The following IL3RA variants were observed in gnomAD, a reference collection of about 807,000 sequenced individuals.
IL3RA encodes interleukin-3 receptor subunit alpha.
A neutral mutation model predicts 52.3 loss-of-function variants in IL3RA; 73 were observed. The observed-to-expected ratio is 1.40, with a 90% CI of 1.16 to 1.70. The LOEUF is 1.70. Among genes scored for constraint, IL3RA ranks in the 40% most tolerant of loss-of-function variants. The pLI is 0.00. For missense variants in IL3RA, 664 were observed against 504.4 expected (o/e 1.32, Z -3.03); for synonymous variants, 260 against 194.0 (o/e 1.34, Z -2.83).
At chrX:1,359,098 A>G (rs2086966036) in intron 8 of IL3RA, among the ~76,000 whole-genome samples, 1 of 152,038 alleles carries the variant, frequency 6.6e-6, no homozygotes, top group East Asian at 1.9e-4. Flanking sequence ...CAAAATTGGG[A>G]TATTTCACAT....
intron 1 of IL3RA, among the ~76,000 whole-genome samples, chrX:1,339,744 A>G (rs188118519): frequency 1.4e-4 from 21 of 152,178 alleles, no homozygotes; most frequent in Admixed American, 7.9e-4. Context: ...GTGAACCAAG[A>G]TCGCGCCACT....
In IL3RA at chrX:1,363,096, G is replaced by T. The variant is rs188329173; in HGVS notation, c.760-2042G>T. Among the ~76,000 whole-genome samples the T allele has an allele frequency of 2.7e-4, 41 of 151,130 alleles. 1 individual carries two copies. The highest frequency in any genetic ancestry group is 2.6e-4 in the Admixed American group (4 of 15,146). On this transcript the variant is annotated intron_variant, in intron 8 of 11. Coordinates refer to ENST00000331035, the MANE Select transcript of IL3RA (RefSeq NM_002183.4). ...CGGCCACGTCTCCTCTTCTTATAAG[G>T]ATATTGGTCATTGCATTTAGGGCCC...
intron 7 of IL3RA, among the ~76,000 whole-genome samples, chrX:1,357,538 ATTTT>A: frequency 6.7e-6 from 1 of 149,514 alleles, no homozygotes. Flanking sequence ...TTTTTTTTGT[ATTTT>A]TAGTAGAGAT....
intron 1 of IL3RA, among the ~76,000 whole-genome samples, chrX:1,338,270 G>A (rs2085377617): frequency 6.7e-6 from 1 of 149,740 alleles, no homozygotes; most frequent in East Asian, 2.0e-4. Flanking sequence ...AAAATATAAT[G>A]TCCATCCACA....
chrX:1,341,714 C>A lies in IL3RA; in HGVS notation c.-38-14C>A. On this transcript the variant is annotated splice_polypyrimidine_tract_variant and intron_variant, in intron 1 of 11. Coordinates refer to ENST00000331035, the MANE Select transcript of IL3RA (RefSeq NM_002183.4). ...CAGCCAGTCCCCGCTGCCTGACTCTCGTTTCTCCTGCAGCAGGCACCTCTG... is the reference window on the plus strand; with the variant it reads ...CAGCCAGTCCCCGCTGCCTGACTCTAGTTTCTCCTGCAGCAGGCACCTCTG... 1 of 1,607,280 alleles carries A rather than the reference C, an allele frequency of 6.2e-7. No homozygotes were observed. The highest frequency in any genetic ancestry group is 8.5e-7 in the Non-Finnish European group (1 of 1,174,758).
intron 9 of IL3RA, among the ~76,000 whole-genome samples, chrX:1,368,374 C>A (rs1380834782): frequency 1.3e-5 from 2 of 152,032 alleles, no homozygotes; most frequent in Non-Finnish European, 2.9e-5. Flanking sequence ...CACCTGAGGT[C>A]AGGAGTTCGA....
intron 4 of IL3RA, among the ~76,000 whole-genome samples, chrX:1,351,072 T>C (rs772739512): frequency 1.9e-4 from 29 of 151,618 alleles, no homozygotes; most frequent in African/African-American, 7.0e-4. Context: ...CTGGGTGTGG[T>C]AGTGGGTGCC....
At chrX:1,345,476 T>G (rs771609353) in intron 3 of IL3RA, 42 bp downstream of exon 3, 9 of 1,192,658 alleles carry the variant, frequency 7.5e-6, no homozygotes, top group Non-Finnish European at 9.2e-6. Context: ...TTATTTTATT[T>G]ATTTATGTAT....
intron 9 of IL3RA, among the ~76,000 whole-genome samples, chrX:1,378,059 G>A (rs1448877373): frequency 1.3e-5 from 2 of 150,400 alleles, no homozygotes; most frequent in Non-Finnish European, 3.0e-5. Context: ...GGTGGCGGGC[G>A]CCTGTAGTCC....
rs142129087 is a variant in IL3RA, at chrX:1,346,767, G to C, written c.183+1333G>C. ...CTCATGGGGTGGCCCAGGTGACACT[G>C]TGAGCTATTTACAAGTCAGTGTCTT... On this transcript the variant is annotated intron_variant, in intron 3 of 11. Coordinates refer to ENST00000331035, the MANE Select transcript of IL3RA (RefSeq NM_002183.4). Among the ~76,000 whole-genome samples the C allele has an allele frequency of 9.6e-3, 1,449 of 151,514 alleles. 18 individuals carry two copies. The highest frequency in any genetic ancestry group is 0.014 in the Non-Finnish European group (944 of 68,012).
intron 3 of IL3RA, among the ~76,000 whole-genome samples, chrX:1,346,087 G>A (rs2085730189): frequency 6.6e-6 from 1 of 151,866 alleles, no homozygotes; most frequent in Admixed American, 6.6e-5. Context: ...GGCTGAGGCG[G>A]GCGGATCATG....
chrX:1,351,795 A>AT (rs2086097336), intron 4 of IL3RA, among the ~76,000 whole-genome samples: 2 of 146,426 alleles, frequency 1.4e-5, no homozygotes, highest in Admixed American at 6.9e-5. Context: ...CACCTGGCTA[A>AT]TTTTTTATAT....
At chrX:1,347,541 C>G (rs1247694555) in intron 3 of IL3RA, among the ~76,000 whole-genome samples, 1 of 150,836 alleles carries the variant, frequency 6.6e-6, no homozygotes, top group Non-Finnish European at 1.5e-5. Context: ...ATTGCTTGAA[C>G]CCGAGAGGTG....
intron 6 of IL3RA, among the ~76,000 whole-genome samples, chrX:1,353,219 T>C (rs1161224299): frequency 4.0e-5 from 2 of 50,134 alleles, no homozygotes; most frequent in Admixed American, 4.3e-4. Context: ...TCATGGGTAA[T>C]AGGACCCCCC....
rs2085504229 is a variant in IL3RA, at chrX:1,341,712, CT to C, written c.-38-15del. 6.2e-7 allele frequency: 1 copy of C among 1,606,746 alleles called. No individual in the cohort carries two copies. Among genetic ancestry groups the C allele is most frequent in the Middle Eastern group, 1.9e-4 (1 of 5,282 alleles). On this transcript the variant is annotated splice_polypyrimidine_tract_variant and intron_variant, in intron 1 of 11. Coordinates refer to ENST00000331035, the MANE Select transcript of IL3RA (RefSeq NM_002183.4). ...CACAGCCAGTCCCCGCTGCCTGACT[CT>C]CGTTTCTCCTGCAGCAGGCACCTCT...
intron 8 of IL3RA, among the ~76,000 whole-genome samples, chrX:1,360,751 C>G (rs1468078619): frequency 6.6e-6 from 1 of 151,716 alleles, no homozygotes; most frequent in Admixed American, 6.6e-5. Flanking sequence ...TGGTCTCGAA[C>G]TCCTGACCTC....
chrX:1,347,645 CA>C (rs1210124448), intron 3 of IL3RA, among the ~76,000 whole-genome samples: 2 of 144,428 alleles, frequency 1.4e-5, no homozygotes, highest in African/African-American at 5.8e-5. Flanking sequence ...AAACAAAAAA[CA>C]AACAAACAAG....
intron 9 of IL3RA, among the ~76,000 whole-genome samples, chrX:1,368,597 C>A (rs1400640257): frequency 1.3e-5 from 2 of 151,988 alleles, no homozygotes; most frequent in East Asian, 1.9e-4. Context: ...TTTAAAGAGG[C>A]GATTAAGGTA....
chrX:1,363,641 CAT>C (rs1243257184), intron 8 of IL3RA, among the ~76,000 whole-genome samples: 1 of 151,868 alleles, frequency 6.6e-6, no homozygotes, highest in Non-Finnish European at 1.5e-5. Flanking sequence ...AAGACTGCAA[CAT>C]ATGAATTTTG....
Sources: allele counts gnomAD v4.1 joint callset (sites outside exome capture counted in the v4.1 genomes callset), GRCh38; gene constraint gnomAD v4.1.1; transcripts MANE v1.5; gene names NCBI Gene and HGNC (gene_info 2026-07-23, HGNC 2026-07-21).